The following FDFT1 variants were observed in gnomAD, a reference collection of about 807,000 sequenced individuals.
FDFT1 encodes the protein squalene synthase.
Under a neutral mutation model 46.8 loss-of-function variants are expected in FDFT1, and 68 were observed. The ratio of observed to expected loss-of-function variants is 1.45; its 90% CI spans 1.19 to 1.78. FDFT1 has a LOEUF of 1.78. Ranked by LOEUF, FDFT1 falls within the 40% of genes most tolerant of loss-of-function variation. The pLI, the probability that FDFT1 is intolerant of heterozygous loss-of-function variation, is 0.00. For missense variants in FDFT1, 928 were observed against 524.4 expected (o/e 1.77, Z -7.52); for synonymous variants, 351 against 185.1 (o/e 1.90, Z -7.28).
chr8:11,828,054 T>C (rs1240864841), intron 5 of FDFT1, among the ~76,000 whole-genome samples: 2 of 151,958 alleles, frequency 1.3e-5, no homozygotes, highest in Admixed American at 6.6e-5. Flanking sequence ...TTACAAAAAT[T>C]AGCCAAGTGT....
At chr8:11,835,107 G>A (rs535957125) in intron 7 of FDFT1, among the ~76,000 whole-genome samples, 1 of 152,208 alleles carries the variant, frequency 6.6e-6, no homozygotes, top group African/African-American at 2.4e-5. Context: ...CTGGGCAACA[G>A]GGTGAAGGCC....
At chr8:11,803,078 C>T (rs1319577093) in intron 1 of FDFT1, 147 bp downstream of exon 1, 1 of 1,446,676 alleles carries the variant, frequency 6.9e-7, no homozygotes, top group Non-Finnish European at 9.1e-7. Context: ...TTCCTCGAGC[C>T]TTCCCCCTGT....
chr8:11,809,518 C>T (rs143192147), intron 2 of FDFT1, 149 bp from the exon 3 acceptor site: 11 of 1,310,954 alleles, frequency 8.4e-6, no homozygotes, highest in African/African-American at 6.0e-5. Flanking sequence ...ATGTAACTTT[C>T]GTTAAGTATG....
intron 2 of FDFT1, 46 bp from the exon 3 acceptor site, chr8:11,809,621 T>G (rs759156718): frequency 6.6e-7 from 1 of 1,519,010 alleles, no homozygotes; most frequent in Non-Finnish European, 8.9e-7. Flanking sequence ...ATAAAAAATC[T>G]TTGGCTGTTT....
At chr8:11,802,001 G>C (rs1009838900), upstream of FDFT1, 4 of 455,844 alleles carry the variant, frequency 8.8e-6, no homozygotes, top group Non-Finnish European at 1.8e-5. Flanking sequence ...GTAGCCAGTA[G>C]TTTCTAGGGC....
intron 1 of FDFT1, chr8:11,807,804 T>A (rs150656547): frequency 4.0e-4 from 61 of 152,276 alleles, no homozygotes; most frequent in African/African-American, 1.1e-3. Context: ...AGTAGAGGCT[T>A]AATAGGTGTC....
intron 3 of FDFT1, among the ~76,000 whole-genome samples, chr8:11,815,273 T>C (rs531003996): frequency 2.3e-4 from 35 of 152,352 alleles, no homozygotes; most frequent in Middle Eastern, 3.4e-3. Context: ...CTATTATTGA[T>C]GGACATTTGG....
upstream of FDFT1, among the ~76,000 whole-genome samples, chr8:11,800,478 T>G (rs912614774): frequency 2.0e-5 from 3 of 152,050 alleles, no homozygotes; most frequent in Admixed American, 1.3e-4. Flanking sequence ...GTTCTGTATT[T>G]GTCCCGATTG....
chr8:11,827,247 A>G (rs559590343), intron 5 of FDFT1, among the ~76,000 whole-genome samples: 6 of 152,234 alleles, frequency 3.9e-5, no homozygotes, highest in Admixed American at 1.3e-4. Flanking sequence ...CAGGAGTTCA[A>G]GACCAGCCTG....
At position 11,809,766 on chromosome 8, in the gene FDFT1, C is replaced by G; in HGVS notation, c.297C>G (p.Asn99Lys). The G allele has an allele frequency of 1.9e-6, 3 of 1,614,174 alleles. No individual in the cohort carries two copies. The highest frequency in any genetic ancestry group is 2.5e-6 in the Non-Finnish European group (3 of 1,180,018). The part of the protein sequence containing the change: ...SVEKKVPLLH[N>K]FHSFLYQPDW... ...AAAAGAAGGTCCCGCTGTTACACAA[C>G]TTTCACTCTTTCCTTTACCAACCAG... Residue 99 changes from asparagine to lysine, a missense_variant, in exon 3 of 8, where the codon AAC becomes AAG. Transcript: ENST00000220584.
At chr8:11,827,723 T>G (rs771063036) in intron 5 of FDFT1, among the ~76,000 whole-genome samples, 3 of 152,090 alleles carry the variant, frequency 2.0e-5, no homozygotes, top group Non-Finnish European at 4.4e-5. Context: ...ATGCTGAGTC[T>G]TACTCCTAAG....
chr8:11,801,958 C>A (rs566430569), upstream of FDFT1: 1 of 454,898 alleles, frequency 2.2e-6, no homozygotes, highest in Non-Finnish European at 4.4e-6. Flanking sequence ...CAAAGTGTTG[C>A]GATTACAGGC....
At chr8:11,809,326 GT>G (rs1207443934) in intron 2 of FDFT1, 45 of 1,093,472 alleles carry the variant, frequency 4.1e-5, no homozygotes, top group Non-Finnish European at 5.0e-5. Flanking sequence ...AAGTTACTGT[GT>G]TTTTTGACTT....
At chr8:11,810,951 AAAAAAAAG>A (rs1265195290) in intron 3 of FDFT1, among the ~76,000 whole-genome samples, 1 of 151,354 alleles carries the variant, frequency 6.6e-6, no homozygotes, top group African/African-American at 2.4e-5. Context: ...AAAAAAAAAA[AAAAAAAAG>A]GAATGTTTGG....
At chr8:11,817,877 C>G (rs1042183389) in intron 3 of FDFT1, among the ~76,000 whole-genome samples, 2 of 151,214 alleles carry the variant, frequency 1.3e-5, no homozygotes, top group African/African-American at 2.4e-5. Flanking sequence ...CTGCTCTGAT[C>G]TTAGTTATTT....
rs965591261 is a variant in FDFT1 at position 11,803,239 on chromosome 8, A to G, written c.99+308A>G. 76 of 1,378,222 alleles carry G rather than the reference A, an allele frequency of 5.5e-5. 1 individual carries two copies. Among genetic ancestry groups the G allele is most frequent in the Non-Finnish European group, 6.7e-5 (70 of 1,046,324 alleles). The allele number at this position is 1,378,222 out of a possible 1,614,324, so 85.4% of individuals were successfully genotyped here. ...CGGCGCTTACCGGTATTTTAACCCG[A>G]GGGTTACACATCTGAGGCAATGTGG... On this transcript the variant is annotated intron_variant, in intron 1 of 7. Transcript: ENST00000220584.
At chr8:11,797,194 C>T (rs957464449) in intron 1 of FDFT1, among the ~76,000 whole-genome samples, 4 of 152,178 alleles carry the variant, frequency 2.6e-5, no homozygotes, top group Admixed American at 6.5e-5. Flanking sequence ...TCAATTTGGT[C>T]GGCTGTCTGA....
At chr8:11,832,210 A>G (rs1339384798) in intron 7 of FDFT1, among the ~76,000 whole-genome samples, 2 of 151,964 alleles carry the variant, frequency 1.3e-5, no homozygotes, top group Non-Finnish European at 2.9e-5. Context: ...ATCCTATAAA[A>G]AGAAAACTTA....
At chr8:11,823,541 G>A (rs138814016) in intron 4 of FDFT1, among the ~76,000 whole-genome samples, 1 of 151,678 alleles carries the variant, frequency 6.6e-6, no homozygotes, top group Non-Finnish European at 1.5e-5. Flanking sequence ...TCTTCCCCCT[G>A]ATTAGTCTCT....
Sources: gnomAD v4.1 joint callset for allele counts (sites outside exome capture counted in the v4.1 genomes callset) on GRCh38, gnomAD v4.1.1 for gene constraint, MANE v1.5 for transcripts, NCBI Gene and HGNC (gene_info 2026-07-23, HGNC 2026-07-21) for gene names.